Variants in TNFSF8 observed in about 807,000 individuals in gnomAD.
The protein encoded by TNFSF8 is tumor necrosis factor ligand superfamily member 8.
TNFSF8 carries 4 observed loss-of-function variants against 22.0 expected under a neutral mutation model. That is an observed-to-expected ratio of 0.18 (90% CI 0.09 to 0.42). TNFSF8 has a LOEUF of 0.42. Ranked by LOEUF, TNFSF8 falls within the 10% of genes least tolerant of loss-of-function variation. The pLI, the probability that TNFSF8 is intolerant of heterozygous loss-of-function variation, is 1.00. For synonymous variants in TNFSF8, 106 were observed against 112.5 expected, an observed-to-expected ratio of 0.94 and a Z score of 0.37; for missense variants, 233 against 281.8, an observed-to-expected ratio of 0.83 and a Z score of 1.24.
chr9:114,902,291 C>T lies in TNFSF8; in HGVS notation c.*1640G>A, dbSNP rs982345563. ...AACTTTGTGGGGATATAAAAACCCT[C>T]GCGGAACTGGTTTTCTGAGAGGTGT... On this transcript the variant is annotated 3_prime_UTR_variant, in exon 4 of 4. Transcript: ENST00000223795. The T allele has an allele frequency of 2.8e-5, 28 of 985,244 alleles. No homozygotes were observed. The highest frequency in any genetic ancestry group is 2.3e-4 in the African/African-American group (13 of 57,224). 61.0% of individuals were successfully genotyped at this position (985,244 alleles called of 1,614,324 possible).
chr9:114,897,205 A>G (rs1827664858), downstream of TNFSF8, among the ~76,000 whole-genome samples: 1 of 152,166 alleles, frequency 6.6e-6, no homozygotes. Context: ...CCGGCCTGAA[A>G]ATTATTTCTA....
intron 2 of TNFSF8, among the ~76,000 whole-genome samples, chr9:114,911,971 A>G (rs535285362): frequency 3.5e-4 from 54 of 152,328 alleles, no homozygotes; most frequent in African/African-American, 1.2e-3. Context: ...TAACATTCTA[A>G]TAACCTTAAT....
chr9:114,912,919 A>G (rs952433951), intron 2 of TNFSF8, among the ~76,000 whole-genome samples: 1 of 152,220 alleles, frequency 6.6e-6, no homozygotes, highest in African/African-American at 2.4e-5. Context: ...ACGCCTTATA[A>G]AATTGCAAAT....
intron 1 of TNFSF8, among the ~76,000 whole-genome samples, chr9:114,919,613 T>C (rs2131347849): frequency 6.6e-6 from 1 of 152,312 alleles, no homozygotes; most frequent in African/African-American, 2.4e-5. Flanking sequence ...TCTCCTGTAT[T>C]GCATTGAATT....
At chr9:114,894,243 GC>G in intron 4 of TNFSF8, 1 of 1,262,730 alleles carries the variant, frequency 7.9e-7, no homozygotes, top group Non-Finnish European at 1.1e-6. Flanking sequence ...TTACTCAGAA[GC>G]CCACAGTTTA....
chr9:114,916,276 T>C (rs1018455625), intron 2 of TNFSF8, among the ~76,000 whole-genome samples: 1 of 152,156 alleles, frequency 6.6e-6, no homozygotes, highest in Non-Finnish European at 1.5e-5. Context: ...GGCTACCGTG[T>C]CCTTATTTTT....
chr9:114,917,287 A>G (rs1394121764), intron 2 of TNFSF8, among the ~76,000 whole-genome samples: 1 of 152,196 alleles, frequency 6.6e-6, no homozygotes, highest in Admixed American at 6.5e-5. Flanking sequence ...AGGTTACAGG[A>G]CTGAGATGGG....
At chr9:114,930,062 C>T (rs3181358) in intron 1 of TNFSF8, 47 bp downstream of exon 1, 2 of 1,397,370 alleles carry the variant, frequency 1.4e-6, no homozygotes, top group African/African-American at 1.5e-5. Flanking sequence ...CTCTTTCTCT[C>T]GGGAAAACAA....
chr9:114,920,643 T>C (rs919586846), intron 1 of TNFSF8, among the ~76,000 whole-genome samples: 1 of 152,216 alleles, frequency 6.6e-6, no homozygotes, highest in Non-Finnish European at 1.5e-5. Context: ...ATTCTGATTC[T>C]GCAGATTTGG....
Position 114,918,138 on chromosome 9 carries a change from C to A in TNFSF8, c.196G>T (p.Asp66Tyr), listed in dbSNP as rs1255676819. The change falls in exon 2 of 4, where the codon GAC becomes TAC. Residue 66 changes from aspartate (D) to tyrosine (Y), a missense_variant and splice_region_variant. Asp to Tyr is a radical substitution (Grantham distance 160). Coordinates refer to ENST00000223795, the MANE Select transcript of TNFSF8 (RefSeq NM_001244.4). ...TTGTCAGGTGAGTTGGGAATGGAGT[C>A]CTGGAAGAAAAGAAAGAAAAAAGCA... Reference protein sequence around the residue: ...TIMVLVVQRTDSIPNSPDNVP... With the variant: ...TIMVLVVQRTYSIPNSPDNVP... 2 of 1,603,360 alleles carry A rather than the reference C, an allele frequency of 1.2e-6. No homozygotes were observed. Among genetic ancestry groups the A allele is most frequent in the South Asian group, 1.1e-5 (1 of 89,152 alleles).
chr9:114,903,884 C>T lies in TNFSF8; in HGVS notation c.*47G>A, dbSNP rs1480342776. On this transcript the variant is annotated 3_prime_UTR_variant, in exon 4 of 4. Coordinates refer to ENST00000223795, the MANE Select transcript of TNFSF8 (RefSeq NM_001244.4). ...CCCAAGTGTTTGGAGGGATGAAATA[C>T]TGTATGGTAGAGAGGCGCTTTCTTC... The T allele has an allele frequency of 2.6e-6, 4 of 1,549,952 alleles. No individual in the cohort carries two copies. The highest frequency in any genetic ancestry group is 3.5e-6 in the Non-Finnish European group (4 of 1,152,764).
intron 1 of TNFSF8, among the ~76,000 whole-genome samples, chr9:114,922,173 T>C (rs928842869): frequency 2.0e-5 from 3 of 152,226 alleles, no homozygotes; most frequent in African/African-American, 7.2e-5. Context: ...TGTGCTTAAT[T>C]TGCCTCAATA....
chr9:114,930,363 C>A lies in TNFSF8; in HGVS notation c.-60G>T, dbSNP rs1160761939. The A allele has an allele frequency of 1.8e-5, 23 of 1,300,756 alleles. No individual in the cohort carries two copies. The highest frequency in any genetic ancestry group is 3.1e-5 in the African/African-American group (2 of 65,434). The allele number at this position is 1,300,756 out of a possible 1,614,324, so 80.6% of individuals were successfully genotyped here. A position where few individuals can be genotyped will look rare whatever the true frequency, so the allele number is the denominator to read the frequency against. On this transcript the variant is annotated 5_prime_UTR_variant, in exon 1 of 4. Transcript: ENST00000223795. ...TCTCTTCATCTGATTCAGTTCTGGG[C>A]CCATCTCTGTTCCAAGAAGGATTCT... is the stretch of plus-strand genomic sequence containing the variant.
chr9:114,901,896 T>A lies in TNFSF8; in HGVS notation c.*2035A>T, dbSNP rs1008139218. ...TTTTTGTTCTCTCAAGTCCCTTTCA[T>A]CCATACCACCACTGCTGATTTGTTC... is the stretch of plus-strand genomic sequence containing the variant. On this transcript the variant is annotated 3_prime_UTR_variant, in exon 4 of 4. Transcript: ENST00000223795. The A allele has an allele frequency of 7.3e-6, 7 of 962,008 alleles. No homozygotes were observed. Among genetic ancestry groups the A allele is most frequent in the Non-Finnish European group, 3.7e-6 (3 of 808,758 alleles). The allele number at this position is 962,008 out of a possible 1,614,324, so 59.6% of individuals were successfully genotyped here.
Position 114,904,265 on chromosome 9 carries a change from A to G in TNFSF8, c.371T>C (p.Val124Ala). The change falls in exon 4 of 4, where the codon GTC becomes GCC. Residue 124 changes from valine to alanine, a missense_variant. Coordinates refer to ENST00000223795, the MANE Select transcript of TNFSF8 (RefSeq NM_001244.4). ...SWNKDGILHG[V>A]RYQDGNLVIQ... is the part of the protein sequence containing the mutation. ...CACCAGATTCCCATCCTGATATCTG[A>G]CTCCATGGAGAATGCCATCTTTGTT... The G allele has an allele frequency of 6.2e-7, 1 of 1,613,926 alleles. No individual in the cohort carries two copies.
rs1274595442 is a variant in TNFSF8, at chr9:114,903,864, G to C, written c.*67C>G. On this transcript the variant is annotated 3_prime_UTR_variant, in exon 4 of 4. Transcript: ENST00000223795. ...GGTCTAAAGTTTTCTTTTTGCCCAA[G>C]TGTTTGGAGGGATGAAATACTGTAT... The C allele has an allele frequency of 6.6e-7, 1 of 1,525,482 alleles. No individual in the cohort carries two copies. Among genetic ancestry groups the C allele is most frequent in the Non-Finnish European group, 8.8e-7 (1 of 1,141,950 alleles). 94.5% of individuals were successfully genotyped at this position (1,525,482 alleles called of 1,614,324 possible).
At chr9:114,900,563 C>T (rs1282642365), downstream of TNFSF8, among the ~76,000 whole-genome samples, 2 of 152,216 alleles carry the variant, frequency 1.3e-5, no homozygotes, top group Non-Finnish European at 2.9e-5. Context: ...ACAGTCCCCA[C>T]ATTTGGAGGT....
Position 114,906,761 on chromosome 9 carries a change from CT to C in TNFSF8, c.239-863del, listed in dbSNP as rs112770301. ...ATATTCACTAGTGATGGTGGCTTAG[CT>C]TTTTTTTATTACAGTAACTACTTAA... On this transcript the variant is annotated intron_variant, in intron 2 of 3. Transcript: ENST00000223795. Among the ~76,000 whole-genome samples the C allele has an allele frequency of 3.2e-3, 486 of 152,032 alleles. 7 individuals are homozygous for C. Among genetic ancestry groups the C allele is most frequent in the Admixed American group, 6.6e-3 (100 of 15,264 alleles).
At chr9:114,918,193 C>A in intron 1 of TNFSF8, 55 bp from the exon 2 acceptor site, 1 of 1,434,874 alleles carries the variant, frequency 7.0e-7, no homozygotes. Context: ...GTTGAAACAA[C>A]TTTTTTTTTT....
Sources: allele counts gnomAD v4.1 joint callset (sites outside exome capture counted in the v4.1 genomes callset), GRCh38; gene constraint gnomAD v4.1.1; transcripts MANE v1.5; gene names NCBI Gene and HGNC (gene_info 2026-07-23, HGNC 2026-07-21).